Variants in SH3BGR observed in about 807,000 individuals in gnomAD.
SH3BGR encodes SH3 domain-binding glutamic acid-rich protein.
In SH3BGR, 29 loss-of-function variants were observed where a neutral mutation model predicts 24.5. The ratio of observed to expected loss-of-function variants is 1.18; its 90% confidence interval spans 0.88 to 1.61. SH3BGR has a LOEUF of 1.61. Ranked by LOEUF, SH3BGR falls within the 40% of genes most tolerant of loss-of-function variation. The probability of loss-of-function intolerance (pLI) is 0.00; values close to 1 mark genes in which losing one functional copy is unlikely to be tolerated. For missense variants in SH3BGR, 162 were observed against 205.8 expected, an observed-to-expected ratio of 0.79 and a Z score of 1.30; for synonymous variants, 55 against 65.7, an observed-to-expected ratio of 0.84 and a Z score of 0.79.
At chr21:39,508,106 A>C (rs1392063261) in intron 4 of SH3BGR, among the ~76,000 whole-genome samples, 1 of 152,212 alleles carries the variant, frequency 6.6e-6, no homozygotes, top group Non-Finnish European at 1.5e-5. Flanking sequence ...CTGTATAAAC[A>C]TGGTGCTGGG....
chr21:39,512,762 AGCCTGG>A (rs1244476475), intron 6 of SH3BGR, among the ~76,000 whole-genome samples: 3 of 152,198 alleles, frequency 2.0e-5, no homozygotes, highest in Admixed American at 1.3e-4. Context: ...ACTGCACTCC[AGCCTGG>A]GTGACAGAGC....
chr21:39,494,546 C>G (rs1035416522), intron 3 of SH3BGR, among the ~76,000 whole-genome samples: 1 of 151,816 alleles, frequency 6.6e-6, no homozygotes, highest in Non-Finnish European at 1.5e-5. Context: ...TTTTTCCCTT[C>G]TGTCTTCTGA....
intron 3 of SH3BGR, among the ~76,000 whole-genome samples, chr21:39,478,771 T>A (rs1386301910): frequency 6.6e-6 from 1 of 152,074 alleles, no homozygotes; most frequent in Non-Finnish European, 1.5e-5. Flanking sequence ...TACCTTATCT[T>A]CCCTCTATTG....
intron 3 of SH3BGR, among the ~76,000 whole-genome samples, chr21:39,490,796 A>G (rs6517553): frequency 0.55 from 81,886 of 149,866 alleles, 22,872 homozygotes; most frequent in East Asian, 0.68. Context: ...TGGCATGATC[A>G]TAGCTCACTG....
chr21:39,504,241 A>T (rs2078544555), intron 4 of SH3BGR, among the ~76,000 whole-genome samples: 1 of 152,156 alleles, frequency 6.6e-6, no homozygotes. Flanking sequence ...GTCTTGAGAA[A>T]AGTTTCAAGG....
chr21:39,458,198 G>A (rs2077694962), intron 1 of SH3BGR, among the ~76,000 whole-genome samples: 1 of 109,264 alleles, frequency 9.2e-6, no homozygotes, highest in Non-Finnish European at 2.1e-5. Context: ...ATGACAAGGG[G>A]CTCTTGTGCT....
chr21:39,502,896 G>A (rs1228694075), intron 4 of SH3BGR, among the ~76,000 whole-genome samples: 4 of 152,110 alleles, frequency 2.6e-5, no homozygotes, highest in African/African-American at 9.7e-5. Flanking sequence ...CTCTGTTTCT[G>A]TGTATGAGCA....
chr21:39,468,700 A>G (rs2077884768), intron 2 of SH3BGR, among the ~76,000 whole-genome samples: 1 of 152,126 alleles, frequency 6.6e-6, no homozygotes, highest in African/African-American at 2.4e-5. Context: ...TGACCCCCCA[A>G]CGTGCTGGGA....
At chr21:39,475,585 G>A (rs2123389239) in intron 3 of SH3BGR, among the ~76,000 whole-genome samples, 1 of 152,180 alleles carries the variant, frequency 6.6e-6, no homozygotes, top group Non-Finnish European at 1.5e-5. Context: ...AGCTTTATAT[G>A]AGTTAATTTC....
At chr21:39,451,823 T>G (rs959610273), upstream of SH3BGR, 2 of 1,440,458 alleles carry the variant, frequency 1.4e-6, no homozygotes, top group African/African-American at 2.8e-5. Context: ...AGGGAAAGGG[T>G]CCAGTGGCTG....
chr21:39,485,762 A>G (rs1362569313), intron 3 of SH3BGR, among the ~76,000 whole-genome samples: 2 of 143,804 alleles, frequency 1.4e-5, no homozygotes, highest in South Asian at 2.1e-4. Context: ...ATCTCGGCTC[A>G]CTGCAAGCTC....
At chr21:39,446,052 C>T (rs902022810) in exon 1 of SH3BGR, 2 of 152,166 alleles carry the variant, frequency 1.3e-5, no homozygotes, top group African/African-American at 2.4e-5. Flanking sequence ...CTGGCGCTCT[C>T]CTGACCTCTT....
chr21:39,462,885 C>T (rs754030510), intron 2 of SH3BGR, among the ~76,000 whole-genome samples: 2 of 152,202 alleles, frequency 1.3e-5, no homozygotes, highest in Non-Finnish European at 2.9e-5. Flanking sequence ...TGTGCACACA[C>T]GTGTATCTGC....
intron 1 of SH3BGR, among the ~76,000 whole-genome samples, chr21:39,459,023 C>G (rs1462843866): frequency 6.6e-6 from 1 of 151,792 alleles, no homozygotes; most frequent in African/African-American, 2.4e-5. Flanking sequence ...CCATATTGTA[C>G]CAATTAGTTC....
Position 39,510,909 on chromosome 21 carries a change from C to CTATATATATATA in SH3BGR, c.436-744_436-733dup, listed in dbSNP as rs61692072. Among the ~76,000 whole-genome samples the CTATATATATATA allele has an allele frequency of 5.0e-3, 332 of 65,834 alleles. 13 individuals carry two copies. The highest frequency in any genetic ancestry group is 0.013 in the Middle Eastern group (1 of 78). 43.2% of individuals were successfully genotyped at this position (65,834 alleles called of 152,430 possible). A position where few individuals can be genotyped will look rare whatever the true frequency, so the allele number is the denominator to read the frequency against. On this transcript the variant is annotated intron_variant, in intron 5 of 6. Coordinates refer to ENST00000333634, the MANE Select transcript of SH3BGR (RefSeq NM_007341.3). ...TTCTTTTTGTATTTGATTCTTCTAA[C>CTATATATATATA]TATATATATATATATATATATATAT...
At chr21:39,513,287 A>G (rs752617355) in intron 6 of SH3BGR, among the ~76,000 whole-genome samples, 5 of 152,224 alleles carry the variant, frequency 3.3e-5, no homozygotes, top group Non-Finnish European at 7.3e-5. Context: ...TGGTGCATGT[A>G]CAAAGAAGGG....
chr21:39,461,951 T>G (rs1290437248), intron 1 of SH3BGR, among the ~76,000 whole-genome samples: 1 of 152,046 alleles, frequency 6.6e-6, no homozygotes, highest in East Asian at 1.9e-4. Context: ...CAGGCTCAAG[T>G]GATTCTCCTG....
chr21:39,475,292 G>GTTTA, intron 3 of SH3BGR, 77 bp downstream of exon 3: 1 of 843,450 alleles, frequency 1.2e-6, no homozygotes, highest in Non-Finnish European at 2.0e-6. Flanking sequence ...ATCCAAGACT[G>GTTTA]TTTAATACAT....
At chr21:39,457,429 T>C (rs1332290305) in intron 1 of SH3BGR, among the ~76,000 whole-genome samples, 1 of 142,024 alleles carries the variant, frequency 7.0e-6, no homozygotes, top group Non-Finnish European at 1.5e-5. Flanking sequence ...TATTATATAT[T>C]ATATAGTTAT....
Sources: gnomAD v4.1 joint callset for allele counts (sites outside exome capture counted in the v4.1 genomes callset) on GRCh38, gnomAD v4.1.1 for gene constraint, MANE v1.5 for transcripts, NCBI Gene and HGNC (gene_info 2026-07-23, HGNC 2026-07-21) for gene names.